SEMA6A: variants seen among roughly 807,000 people sequenced by gnomAD.
SEMA6A encodes the protein semaphorin 6A, also known as semaphorin-6A.
A neutral mutation model predicts 96.8 loss-of-function variants in SEMA6A; 25 were observed. The ratio of observed to expected loss-of-function variants is 0.26; its 90% CI spans 0.19 to 0.36. SEMA6A has a LOEUF of 0.36. SEMA6A is among the 10% of genes least tolerant of loss of function. The pLI is 1.00. For missense variants in SEMA6A, 1,363 were observed against 1,323.1 expected (o/e 1.03, Z -0.47); for synonymous variants, 612 against 518.0 (o/e 1.18, Z -2.46).
At chr5:116,552,122 T>C (rs1333602245) in intron 1 of SEMA6A, among the ~76,000 whole-genome samples, 2 of 152,228 alleles carry the variant, frequency 1.3e-5, no homozygotes, top group Admixed American at 6.5e-5. Context: ...TGGAGAGCAC[T>C]GCAAGGTGAG....
intron 17 of SEMA6A, chr5:116,472,859 A>G: frequency 1.4e-6 from 2 of 1,465,438 alleles, no homozygotes; most frequent in Non-Finnish European, 1.8e-6. Flanking sequence ...CGAATTTAAA[A>G]AAAAAAAAAA....
chr5:116,450,706 C>T lies in SEMA6A; in HGVS notation c.1895-2895G>A, dbSNP rs191557518. ...TGGTATCTCAGACAGATTTTTTCCC[C>T]CGTCTCATTTTGTTATATAAAGAGT... On this transcript the variant is annotated intron_variant, in intron 18 of 18. Coordinates refer to ENST00000343348, the MANE Select transcript of SEMA6A (RefSeq NM_020796.5). Among the ~76,000 whole-genome samples, 127 of 152,180 alleles carry T rather than the reference C, an allele frequency of 8.3e-4. 1 individual carries two copies. The highest frequency in any genetic ancestry group is 2.8e-3 in the African/African-American group (115 of 41,528).
At chr5:116,464,835 C>A (rs1458285809) in intron 18 of SEMA6A, among the ~76,000 whole-genome samples, 2 of 152,196 alleles carry the variant, frequency 1.3e-5, no homozygotes, top group Non-Finnish European at 2.9e-5. Flanking sequence ...GACCAGCTCA[C>A]TGGCAGTCAG....
chr5:116,540,444 C>A (rs1759909065), intron 1 of SEMA6A, among the ~76,000 whole-genome samples: 1 of 152,164 alleles, frequency 6.6e-6, no homozygotes, highest in African/African-American at 2.4e-5. Context: ...TAGGTGTTCA[C>A]AAAAGATCCC....
intron 9 of SEMA6A, among the ~76,000 whole-genome samples, 185 bp downstream of exon 9, chr5:116,487,923 T>C (rs1166430216): frequency 1.3e-5 from 2 of 152,164 alleles, no homozygotes; most frequent in African/African-American, 2.4e-5. Flanking sequence ...AAATTTTCCA[T>C]AGAAATACTT....
rs1580413740 is a variant in SEMA6A, at chr5:116,480,268, G to A, written c.1104C>T (p.Cys368=). ...TTTCTAAGGAGGATGAGCCAGCACA[G>A]CAACCTGGCCTAAAATGAAACAAAG... ...DERVPKPRPG[C]CAGSSSLERY... is the part of the protein sequence containing the mutation. Residue 368 remains cysteine (C), a synonymous_variant, in exon 12 of 19, where the codon TGC becomes TGT. Coordinates refer to ENST00000343348, the MANE Select transcript of SEMA6A (RefSeq NM_020796.5). 6.2e-7 allele frequency: 1 copy of A among 1,613,668 alleles called. No individual in the cohort carries two copies. The highest frequency in any genetic ancestry group is 8.5e-7 in the Non-Finnish European group (1 of 1,179,700).
chr5:116,540,951 C>T (rs771608643), intron 1 of SEMA6A, among the ~76,000 whole-genome samples: 10 of 152,136 alleles, frequency 6.6e-5, no homozygotes, highest in Non-Finnish European at 1.3e-4. Flanking sequence ...TCAAAGTTCT[C>T]GATCCATCTC....
At chr5:116,518,170 G>A (rs748332662) in intron 1 of SEMA6A, among the ~76,000 whole-genome samples, 13 of 151,466 alleles carry the variant, frequency 8.6e-5, no homozygotes, top group Non-Finnish European at 1.8e-4. Context: ...TGGACAACAG[G>A]TAGGGGTGGT....
At chr5:116,496,172 C>G (rs1208386080) in intron 5 of SEMA6A, 79 bp downstream of exon 5, 2 of 1,196,588 alleles carry the variant, frequency 1.7e-6, no homozygotes, top group Admixed American at 3.5e-5. Context: ...ATCCATTCTA[C>G]ATCACGGTCT....
At chr5:116,539,232 G>C (rs964539402) in intron 1 of SEMA6A, among the ~76,000 whole-genome samples, 1 of 152,114 alleles carries the variant, frequency 6.6e-6, no homozygotes, top group African/African-American at 2.4e-5. Context: ...TTATACGGTG[G>C]TCCTGCTTCC....
intron 1 of SEMA6A, among the ~76,000 whole-genome samples, chr5:116,549,583 C>T (rs1760317607): frequency 1.3e-5 from 2 of 152,092 alleles, no homozygotes; most frequent in South Asian, 4.1e-4. Flanking sequence ...CAGGTGGAAA[C>T]AGAAGACATG....
chr5:116,505,857 T>C (rs1203768046), intron 1 of SEMA6A, among the ~76,000 whole-genome samples: 2 of 138,334 alleles, frequency 1.4e-5, no homozygotes, highest in Non-Finnish European at 1.5e-5. Flanking sequence ...AACAATCCCA[T>C]GTGGGACTGC....
intron 3 of SEMA6A, among the ~76,000 whole-genome samples, chr5:116,497,871 C>T (rs166296): frequency 0.46 from 70,099 of 152,098 alleles, 16,366 homozygotes; most frequent in East Asian, 0.66. Flanking sequence ...TTAACTGTGA[C>T]TATTTGATCG....
rs1266715963 is a variant in SEMA6A at position 116,446,966 on chromosome 5, C to T, written c.2740G>A (p.Val914Ile). ...LEMHHSSSYG[V>I]DYKRSYPTNS... Reference sequence around the variant, plus strand: ...GTGGGGTAGCTCCTCTTATAGTCAACCCCGTAGGAAGAGGAGTGGTGCATT... The same window carrying T: ...GTGGGGTAGCTCCTCTTATAGTCAATCCCGTAGGAAGAGGAGTGGTGCATT... Residue 914 changes from valine (V) to isoleucine (I), a missense_variant, in exon 19 of 19, where the codon GTT (valine) becomes ATT (isoleucine). By Grantham distance (29) the Val-to-Ile change is conservative. This residue lies in a region of SEMA6A where 883 missense variants were observed against 763.6 expected (regional missense o/e 1.16). Transcript: ENST00000343348. 5 of 1,613,904 alleles carry T rather than the reference C, an allele frequency of 3.1e-6. No individual in the cohort carries two copies. The African/African-American group carries it at 4.0e-5, about 13-fold the overall frequency.
Position 116,486,880 on chromosome 5 carries a change from C to T in SEMA6A, c.831G>A (p.Leu277=), listed in dbSNP as rs572734109. Residue 277 remains leucine, a synonymous_variant, in exon 10 of 19, where the codon CTG becomes CTA. Transcript: ENST00000343348. ...GAACTGAGCAGTTCAAGCGCGCCTT[C>T]AGGAACGACGTCCACTGTTTCTCCA... The part of the protein sequence containing the change: ...RVLEKQWTSF[L]KARLNCSVPG... The T allele has an allele frequency of 1.5e-5, 25 of 1,613,860 alleles. No homozygotes were observed. The South Asian group carries it at 2.3e-4, about 15-fold the overall frequency.
intron 15 of SEMA6A, among the ~76,000 whole-genome samples, chr5:116,476,587 G>A (rs1199329866): frequency 6.6e-6 from 1 of 152,168 alleles, no homozygotes; most frequent in Non-Finnish European, 1.5e-5. Context: ...TTTAAGCAAT[G>A]CCAGCATCAT....
intron 1 of SEMA6A, chr5:116,563,041 G>C (rs1760883841): frequency 4.4e-6 from 2 of 453,470 alleles, no homozygotes; most frequent in Non-Finnish European, 8.5e-6. Flanking sequence ...AAAATATTTT[G>C]TTAATAAATT....
chr5:116,552,081 C>A (rs1760439081), intron 1 of SEMA6A, among the ~76,000 whole-genome samples: 1 of 110,562 alleles, frequency 9.0e-6, no homozygotes, highest in Non-Finnish European at 2.3e-5. Context: ...CCAAATGTCC[C>A]TGACACCAGT....
At chr5:116,462,152 A>G (rs2112628778) in intron 18 of SEMA6A, among the ~76,000 whole-genome samples, 1 of 152,246 alleles carries the variant, frequency 6.6e-6, no homozygotes, top group East Asian at 1.9e-4. Context: ...TCCCAAATCC[A>G]TTACATTTTA....
Sources: allele counts gnomAD v4.1 joint callset (sites outside exome capture counted in the v4.1 genomes callset), GRCh38; gene constraint gnomAD v4.1.1; regional missense constraint gnomAD v4.1.1; transcripts MANE v1.5; gene names NCBI Gene and HGNC (gene_info 2026-07-23, HGNC 2026-07-21).